Variants in ARHGEF3 observed in about 807,000 individuals in gnomAD.
ARHGEF3 encodes the protein 59.8 kDA protein.
A neutral mutation model predicts 63.2 loss-of-function variants in ARHGEF3; 28 were observed. The observed-to-expected ratio is 0.44, with a 90% CI of 0.33 to 0.61. ARHGEF3 has a LOEUF of 0.61. Among genes scored for constraint, ARHGEF3 ranks in the 20% least tolerant of loss-of-function variants. The pLI is 0.03. For synonymous variants in ARHGEF3, 266 were observed against 254.2 expected (o/e 1.05, Z -0.44); for missense variants, 533 against 659.3 (o/e 0.81, Z 2.10).
At chr3:56,741,437 G>C (rs1481272041) in intron 7 of ARHGEF3, among the ~76,000 whole-genome samples, 1 of 149,246 alleles carries the variant, frequency 6.7e-6, no homozygotes, top group East Asian at 2.0e-4. Flanking sequence ...GCCTGCCTTG[G>C]CCTCCCAAAG....
At chr3:57,050,286 C>G (rs1353280900) in intron 1 of ARHGEF3, among the ~76,000 whole-genome samples, 1 of 152,374 alleles carries the variant, frequency 6.6e-6, no homozygotes, top group East Asian at 1.9e-4. Flanking sequence ...AATCTTCCTC[C>G]CAAGTTTGCC....
intron 1 of ARHGEF3, among the ~76,000 whole-genome samples, chr3:56,783,776 C>T (rs144022481): frequency 5.8e-4 from 89 of 152,298 alleles, no homozygotes; most frequent in African/African-American, 2.0e-3. Context: ...CAAAGTTACT[C>T]GTTTTAGTCA....
intron 2 of ARHGEF3, among the ~76,000 whole-genome samples, chr3:56,998,743 C>T (rs1017804356): frequency 1.3e-5 from 2 of 152,208 alleles, no homozygotes; most frequent in Non-Finnish European, 2.9e-5. Context: ...TGTCCTTCCT[C>T]CTTTCCCCCT....
At chr3:57,047,176 C>T (rs2005250) in intron 1 of ARHGEF3, among the ~76,000 whole-genome samples, 132,700 of 152,056 alleles carry the variant, frequency 0.87, 60,688 homozygotes, top group East Asian at 1. Context: ...GGTGAAACCC[C>T]GTCTCCACTA....
At chr3:56,808,699 A>G (rs1389466970) in intron 4 of ARHGEF3, among the ~76,000 whole-genome samples, 1 of 152,194 alleles carries the variant, frequency 6.6e-6, no homozygotes, top group Non-Finnish European at 1.5e-5. Flanking sequence ...CTGAAACATC[A>G]TAAACATTTG....
chr3:56,849,734 C>A (rs2039609931), intron 4 of ARHGEF3, among the ~76,000 whole-genome samples: 1 of 152,002 alleles, frequency 6.6e-6, no homozygotes, highest in South Asian at 2.1e-4. Flanking sequence ...AGATATCAAT[C>A]TTAAAGTAGC....
At chr3:56,940,434 A>T (rs1015058812) in intron 3 of ARHGEF3, 1 of 152,250 alleles carries the variant, frequency 6.6e-6, no homozygotes, top group East Asian at 1.9e-4. Flanking sequence ...AAATCTGCTC[A>T]ACTGGCACAC....
intron 4 of ARHGEF3, among the ~76,000 whole-genome samples, chr3:56,864,116 T>G (rs1253887549): frequency 6.6e-6 from 1 of 152,246 alleles, no homozygotes; most frequent in Non-Finnish European, 1.5e-5. Flanking sequence ...ACCCTTGGTT[T>G]CATAATCAAC....
In ARHGEF3 at chr3:57,059,893, GGCT is replaced by G. The variant is rs1202616844; in HGVS notation, c.-28+19330_-28+19332del. Among the ~76,000 whole-genome samples the G allele has an allele frequency of 2.0e-5, 3 of 152,202 alleles. No individual in the cohort carries two copies. The East Asian group carries it at 5.8e-4, about 29-fold the overall frequency. ...TGCCTGTAATCCCAGCTACTCGGGA[GGCT>G]GAGGCAGGAGAATCGCTTGAACCTG... is the stretch of plus-strand genomic sequence containing the variant. On this transcript the variant is annotated intron_variant, in intron 1 of 12. Coordinates refer to the ARHGEF3 transcript ENST00000338458.
chr3:56,761,999 T>C (rs2035447258), intron 2 of ARHGEF3, among the ~76,000 whole-genome samples: 1 of 152,176 alleles, frequency 6.6e-6, no homozygotes, highest in African/African-American at 2.4e-5. Flanking sequence ...CATTTTGGAC[T>C]AGAGATTCTT....
At chr3:57,042,694 A>ATTTTTTTTTT (rs1340824293) in intron 1 of ARHGEF3, among the ~76,000 whole-genome samples, 9 of 41,874 alleles carry the variant, frequency 2.1e-4, no homozygotes, top group Admixed American at 3.8e-4. Context: ...ATATATATAT[A>ATTTTTTTTTT]TATATATTTT....
intron 4 of ARHGEF3, among the ~76,000 whole-genome samples, chr3:56,874,486 T>G (rs559801563): frequency 3.9e-5 from 6 of 152,248 alleles, no homozygotes; most frequent in African/African-American, 9.6e-5. Context: ...TGAGCAGAGA[T>G]AAAATAAATC....
chr3:56,942,596 A>C lies in ARHGEF3; in HGVS notation c.129+16227T>G, dbSNP rs1578900410. ...TTCAATAACCCTAGAATGGTCTCTA[A>C]GTGTTAAAGTGAAAGGAAGAGTTGC... On this transcript the variant is annotated intron_variant, in intron 3 of 12. Coordinates refer to the ARHGEF3 transcript ENST00000338458. Among the ~76,000 whole-genome samples the C allele has an allele frequency of 8.5e-5, 13 of 152,306 alleles. No individual in the cohort carries two copies. The South Asian group carries it at 2.7e-3, about 32-fold the overall frequency.
Position 56,872,656 on chromosome 3 carries a change from T to C in ARHGEF3, c.192+9636A>G, listed in dbSNP as rs368287898. The stretch of plus-strand genomic sequence containing the variant: ...TCCCGAGTATCTGGGATTGCAGGCA[T>C]GCACCCCCAAGCCCAGCTAATTTTT... On this transcript the variant is annotated intron_variant, in intron 4 of 12. Coordinates refer to the ARHGEF3 transcript ENST00000338458. Among the ~76,000 whole-genome samples the C allele has an allele frequency of 8.4e-4, 127 of 151,964 alleles. 1 individual carries two copies. Among genetic ancestry groups the C allele is most frequent in the Non-Finnish European group, 1.5e-3 (99 of 67,978 alleles).
intron 2 of ARHGEF3, among the ~76,000 whole-genome samples, chr3:56,976,129 C>G (rs900396789): frequency 1.3e-5 from 2 of 152,146 alleles, no homozygotes; most frequent in South Asian, 4.1e-4. Context: ...GCAACCTCCA[C>G]CTCCTGCGTT....
chr3:57,061,103 A>C (rs1168734519), intron 1 of ARHGEF3, among the ~76,000 whole-genome samples: 1 of 152,134 alleles, frequency 6.6e-6, no homozygotes, highest in Non-Finnish European at 1.5e-5. Flanking sequence ...TCTAAACAGA[A>C]ACTGTGTACC....
chr3:57,022,576 T>G (rs1703303541), intron 2 of ARHGEF3, among the ~76,000 whole-genome samples: 1 of 152,238 alleles, frequency 6.6e-6, no homozygotes, highest in South Asian at 2.1e-4. Flanking sequence ...TCTTCTCTAC[T>G]TGTGTGAATG....
chr3:56,962,463 G>C (rs577224759), intron 2 of ARHGEF3, among the ~76,000 whole-genome samples: 1 of 152,318 alleles, frequency 6.6e-6, no homozygotes, highest in East Asian at 1.9e-4. Flanking sequence ...CTCCTCATGT[G>C]AGCAGGCTGT....
intron 1 of ARHGEF3, among the ~76,000 whole-genome samples, chr3:56,782,785 C>T (rs1343951333): frequency 6.6e-6 from 1 of 152,146 alleles, no homozygotes; most frequent in Non-Finnish European, 1.5e-5. Context: ...TTTCGGGCTG[C>T]TGGATTGAGA....
Sources: gnomAD v4.1 joint callset for allele counts (sites outside exome capture counted in the v4.1 genomes callset) on GRCh38, gnomAD v4.1.1 for gene constraint, MANE v1.5 for transcripts, NCBI Gene and HGNC (gene_info 2026-07-23, HGNC 2026-07-21) for gene names.